The following EDIL3 variants were observed in gnomAD, a reference collection of about 807,000 sequenced individuals.
The protein encoded by EDIL3 is EGF-like repeat and discoidin I-like domain-containing protein 3.
Under a neutral mutation model 67.4 loss-of-function variants are expected in EDIL3, and 37 were observed. The observed-to-expected ratio is 0.55, with a 90% CI of 0.42 to 0.72. EDIL3 has a LOEUF of 0.72. Among genes scored for constraint, EDIL3 ranks in the 30% least tolerant of loss-of-function variants. EDIL3 has a pLI of 0.00. For synonymous variants in EDIL3, 195 were observed against 196.3 expected, an observed-to-expected ratio of 0.99 and a Z score of 0.05; for missense variants, 527 against 586.3, an observed-to-expected ratio of 0.90 and a Z score of 1.04.
At chr5:84,309,347 T>A (rs1397081254) in intron 1 of EDIL3, among the ~76,000 whole-genome samples, 1 of 151,248 alleles carries the variant, frequency 6.6e-6, no homozygotes, top group African/African-American at 2.4e-5. Context: ...CTTTTCTTTT[T>A]TTTTATTATT....
At chr5:84,254,913 C>T (rs946674221) in intron 1 of EDIL3, among the ~76,000 whole-genome samples, 1 of 152,032 alleles carries the variant, frequency 6.6e-6, no homozygotes, top group African/African-American at 2.4e-5. Flanking sequence ...GCAGTCATGG[C>T]CATGAAAAGC....
chr5:84,320,157 A>G (rs1387052691), intron 1 of EDIL3, among the ~76,000 whole-genome samples: 1 of 152,154 alleles, frequency 6.6e-6, no homozygotes, highest in African/African-American at 2.4e-5. Context: ...TAATAATAAA[A>G]AAAGAATACT....
intron 3 of EDIL3, among the ~76,000 whole-genome samples, chr5:84,203,473 A>T (rs1743889055): frequency 6.6e-6 from 1 of 152,166 alleles, no homozygotes; most frequent in African/African-American, 2.4e-5. Flanking sequence ...CTCAAAAGGA[A>T]TCTGAATCTC....
At chr5:84,033,874 A>T in intron 9 of EDIL3, among the ~76,000 whole-genome samples, 1 of 152,202 alleles carries the variant, frequency 6.6e-6, no homozygotes, top group East Asian at 1.9e-4. Flanking sequence ...TCTGAGTTGT[A>T]TGTGACGTTA....
At chr5:84,122,974 A>T (rs1238709502) in intron 5 of EDIL3, among the ~76,000 whole-genome samples, 1 of 151,950 alleles carries the variant, frequency 6.6e-6, no homozygotes, top group East Asian at 1.9e-4. Flanking sequence ...TAATTTTATA[A>T]TGAGACATCT....
intron 1 of EDIL3, among the ~76,000 whole-genome samples, chr5:84,289,189 A>G (rs1276549610): frequency 6.6e-6 from 1 of 152,230 alleles, no homozygotes; most frequent in Non-Finnish European, 1.5e-5. Context: ...TAAGTCTACA[A>G]TGTGAGTTTG....
At chr5:84,118,874 G>A (rs1254276203) in intron 5 of EDIL3, among the ~76,000 whole-genome samples, 6 of 152,036 alleles carry the variant, frequency 3.9e-5, no homozygotes, top group Non-Finnish European at 7.4e-5. Context: ...CTTGGGGTAC[G>A]AGCCAGACAT....
At chr5:84,080,334 AGTCCTAG>A (rs1172900465) in intron 6 of EDIL3, among the ~76,000 whole-genome samples, 1 of 147,798 alleles carries the variant, frequency 6.8e-6, no homozygotes, top group African/African-American at 2.5e-5. Flanking sequence ...AAATATAACT[AGTCCTAG>A]TGGCTACAGT....
intron 2 of EDIL3, among the ~76,000 whole-genome samples, chr5:84,241,014 A>G (rs1441686510): frequency 1.3e-5 from 2 of 152,174 alleles, no homozygotes; most frequent in East Asian, 1.9e-4. Context: ...TTTCCATCTC[A>G]GCTCATCTCA....
chr5:84,272,383 T>C (rs528246428), intron 1 of EDIL3, among the ~76,000 whole-genome samples: 2 of 152,118 alleles, frequency 1.3e-5, no homozygotes, highest in East Asian at 1.9e-4. Context: ...GTCATAAAGA[T>C]AAAAATATAC....
chr5:84,254,353 G>A, intron 1 of EDIL3, 141 bp from the exon 2 acceptor site: 1 of 970,390 alleles, frequency 1.0e-6, no homozygotes, highest in Non-Finnish European at 1.4e-6. Context: ...AGATCTGCAA[G>A]ACTCATTTCA....
chr5:84,211,007 C>A (rs1744106897), intron 3 of EDIL3, among the ~76,000 whole-genome samples: 1 of 152,196 alleles, frequency 6.6e-6, no homozygotes, highest in South Asian at 2.1e-4. Flanking sequence ...CCCCGCCCCC[C>A]AACCAAAATA....
At chr5:84,130,550 T>A (rs937995484) in intron 5 of EDIL3, among the ~76,000 whole-genome samples, 4 of 152,046 alleles carry the variant, frequency 2.6e-5, no homozygotes, top group African/African-American at 9.7e-5. Flanking sequence ...ACACCTTTTT[T>A]AAAAAAATTA....
At chr5:84,205,628 G>A (rs970687518) in intron 3 of EDIL3, among the ~76,000 whole-genome samples, 9 of 151,642 alleles carry the variant, frequency 5.9e-5, no homozygotes, top group Non-Finnish European at 7.4e-5. Context: ...ACTTCTTCCT[G>A]GTTTAGTCTT....
intron 2 of EDIL3, among the ~76,000 whole-genome samples, chr5:84,251,084 T>G (rs1745016722): frequency 6.6e-6 from 1 of 152,106 alleles, no homozygotes; most frequent in Non-Finnish European, 1.5e-5. Flanking sequence ...CAAAAAAGCC[T>G]TGGCCAAGCC....
intron 10 of EDIL3, among the ~76,000 whole-genome samples, chr5:83,962,663 CGGA>C (rs1433723704): frequency 6.6e-6 from 1 of 150,936 alleles, no homozygotes; most frequent in Middle Eastern, 3.2e-3. Flanking sequence ...ATGAAGGAAA[CGGA>C]GCAGAAAAAC....
In EDIL3 at chr5:84,137,353, G is replaced by A. The variant is rs1405487502; in HGVS notation, c.357C>T (p.Asn119=). Residue 119 remains asparagine (N), a splice_region_variant and synonymous_variant, in exon 5 of 11, where the codon AAC becomes AAT. Coordinates refer to ENST00000296591, the MANE Select transcript of EDIL3 (RefSeq NM_005711.5). Reference sequence around the variant, plus strand: ...AAGGCTCAACTTCGCATTCATTTATGTCTAAGAAAAACAGAAAGGACAGAG... The same window carrying A: ...AAGGCTCAACTTCGCATTCATTTATATCTAAGAAAAACAGAAAGGACAGAG... ...RGFNGIHCQH[N]INECEVEPCK... 1.2e-6 allele frequency: 2 copies of A among 1,610,708 alleles called. No individual in the cohort carries two copies. The highest frequency in any genetic ancestry group is 8.5e-7 in the Non-Finnish European group (1 of 1,178,764).
At chr5:84,135,242 A>G (rs1235514137) in intron 5 of EDIL3, among the ~76,000 whole-genome samples, 2 of 152,014 alleles carry the variant, frequency 1.3e-5, no homozygotes, top group African/African-American at 4.8e-5. Flanking sequence ...TATGTCCCCC[A>G]TTCAATCCTC....
chr5:84,120,747 A>C (rs1015077160), intron 5 of EDIL3, among the ~76,000 whole-genome samples: 2 of 151,998 alleles, frequency 1.3e-5, no homozygotes, highest in African/African-American at 4.8e-5. Context: ...AATCACATGA[A>C]ACCAAAGGAA....
Sources: gnomAD v4.1 joint callset for allele counts (sites outside exome capture counted in the v4.1 genomes callset) on GRCh38, gnomAD v4.1.1 for gene constraint, MANE v1.5 for transcripts, NCBI Gene and HGNC (gene_info 2026-07-23, HGNC 2026-07-21) for gene names.